Variants in EXOC4 observed in about 807,000 individuals in gnomAD.
The protein encoded by EXOC4 is SEC8-like 1.
A neutral mutation model predicts 107.2 loss-of-function variants in EXOC4; 71 were observed. That is an observed-to-expected ratio of 0.66 (90% confidence interval 0.55 to 0.81). The LOEUF is 0.81. EXOC4 is among the 30% of genes least tolerant of loss of function. EXOC4 has a pLI of 0.00. For synonymous variants in EXOC4, 456 were observed against 441.2 expected (o/e 1.03, Z -0.42); for missense variants, 1,108 against 1,189.6 (o/e 0.93, Z 1.01).
chr7:133,400,657 A>C (rs910177858), intron 7 of EXOC4, among the ~76,000 whole-genome samples: 12 of 152,178 alleles, frequency 7.9e-5, no homozygotes, highest in Non-Finnish European at 1.8e-4. Context: ...CTCTTTGAAG[A>C]AGTACTTTTG....
intron 12 of EXOC4, among the ~76,000 whole-genome samples, chr7:133,915,112 C>A (rs539705093): frequency 6.6e-6 from 1 of 152,150 alleles, no homozygotes; most frequent in South Asian, 2.1e-4. Flanking sequence ...TAAAGTAGAC[C>A]TTGGAGAGAG....
At chr7:133,426,771 G>T (rs1797736695) in intron 7 of EXOC4, among the ~76,000 whole-genome samples, 1 of 152,132 alleles carries the variant, frequency 6.6e-6, no homozygotes, top group East Asian at 1.9e-4. Flanking sequence ...TAATACAGAG[G>T]TTATTATTGA....
chr7:133,419,121 C>T (rs2150755987), intron 7 of EXOC4, among the ~76,000 whole-genome samples: 1 of 152,016 alleles, frequency 6.6e-6, no homozygotes, highest in East Asian at 1.9e-4. Context: ...GGTGTGTAGG[C>T]AGAATTAAAG....
intron 9 of EXOC4, among the ~76,000 whole-genome samples, chr7:133,527,509 T>C (rs2150918288): frequency 1.3e-5 from 2 of 152,286 alleles, no homozygotes; most frequent in Middle Eastern, 6.8e-3. Context: ...TTAGAAACTT[T>C]TATCTGATTT....
rs145247156 is a variant in EXOC4, at chr7:133,294,197, A to G, written c.471+5081A>G. Reference sequence around the variant, plus strand: ...AATTCTGGGAAGAATTATTAATATAAGAATAGCAGCTTCTTCCCAGTGGCA... The same window carrying G: ...AATTCTGGGAAGAATTATTAATATAGGAATAGCAGCTTCTTCCCAGTGGCA... On this transcript the variant is annotated intron_variant, in intron 3 of 17. Coordinates refer to ENST00000253861, the MANE Select transcript of EXOC4 (RefSeq NM_021807.4). 4.6e-3 allele frequency among the ~76,000 whole-genome samples: 694 copies of G among 152,340 alleles called. 7 individuals are homozygous for G. Among genetic ancestry groups the G allele is most frequent in the South Asian group, 0.023 (110 of 4,830 alleles).
chr7:133,807,097 T>A (rs1033846347), intron 10 of EXOC4, among the ~76,000 whole-genome samples: 2 of 152,188 alleles, frequency 1.3e-5, no homozygotes, highest in Admixed American at 6.5e-5. Context: ...ACTTTTCATA[T>A]ACGCAGGTTC....
chr7:133,781,977 T>C (rs1796478252), intron 10 of EXOC4, among the ~76,000 whole-genome samples: 1 of 152,244 alleles, frequency 6.6e-6, no homozygotes, highest in African/African-American at 2.4e-5. Context: ...TTGTGGCTTC[T>C]AATTTTAATA....
At chr7:133,690,859 A>G (rs1794403941) in intron 10 of EXOC4, among the ~76,000 whole-genome samples, 1 of 152,076 alleles carries the variant, frequency 6.6e-6, no homozygotes, top group African/African-American at 2.4e-5. Flanking sequence ...GGGGGAAACT[A>G]ATGGAAGATA....
At chr7:133,495,863 T>A (rs1233435256) in intron 9 of EXOC4, among the ~76,000 whole-genome samples, 1 of 152,204 alleles carries the variant, frequency 6.6e-6, no homozygotes, top group Admixed American at 6.5e-5. Flanking sequence ...GGCATGTGTT[T>A]GGCTTTAGGA....
intron 17 of EXOC4, among the ~76,000 whole-genome samples, chr7:134,062,351 C>T (rs1796083412): frequency 1.3e-5 from 2 of 152,204 alleles, no homozygotes; most frequent in African/African-American, 4.8e-5. Context: ...CCACATTCCC[C>T]TTGTACCAGC....
intron 10 of EXOC4, among the ~76,000 whole-genome samples, chr7:133,686,155 G>A (rs1306927036): frequency 1.3e-5 from 2 of 152,104 alleles, no homozygotes; most frequent in African/African-American, 4.8e-5. Context: ...GTGATGCTCA[G>A]CACCACCTCA....
intron 7 of EXOC4, among the ~76,000 whole-genome samples, chr7:133,391,600 G>A (rs983246549): frequency 2.0e-5 from 3 of 152,148 alleles, no homozygotes; most frequent in African/African-American, 7.2e-5. Flanking sequence ...GGCATGTTTA[G>A]GAATGAGCAT....
intron 11 of EXOC4, among the ~76,000 whole-genome samples, chr7:133,882,746 A>T (rs1241497392): frequency 6.6e-6 from 1 of 152,146 alleles, no homozygotes; most frequent in Non-Finnish European, 1.5e-5. Context: ...AGATTGAAAG[A>T]AGCCCCAGGT....
chr7:133,509,008 G>C (rs975884462), intron 9 of EXOC4, among the ~76,000 whole-genome samples: 5 of 152,112 alleles, frequency 3.3e-5, no homozygotes, highest in Non-Finnish European at 7.3e-5. Context: ...AGAAACTGCT[G>C]GTTGCTTAGT....
At chr7:133,746,706 A>G (rs1021776632) in intron 10 of EXOC4, among the ~76,000 whole-genome samples, 6 of 152,216 alleles carry the variant, frequency 3.9e-5, no homozygotes, top group Non-Finnish European at 8.8e-5. Context: ...ATAGGATTGT[A>G]ACGATACACA....
At chr7:133,439,114 C>G (rs570422780) in intron 7 of EXOC4, among the ~76,000 whole-genome samples, 60 of 151,358 alleles carry the variant, frequency 4.0e-4, no homozygotes, top group South Asian at 2.1e-4. Flanking sequence ...GTATTTGAAC[C>G]TCGGTTTTGG....
intron 10 of EXOC4, among the ~76,000 whole-genome samples, chr7:133,805,199 A>G (rs901409385): frequency 6.6e-6 from 1 of 152,362 alleles, no homozygotes; most frequent in East Asian, 1.9e-4. Context: ...GGCATCTGGG[A>G]AAACTTTGTG....
chr7:133,980,089 C>T (rs532503225), intron 14 of EXOC4, among the ~76,000 whole-genome samples: 80 of 152,264 alleles, frequency 5.3e-4, no homozygotes, highest in African/African-American at 1.9e-3. Flanking sequence ...TTCTCTCCTG[C>T]GTATTTTCAC....
intron 9 of EXOC4, among the ~76,000 whole-genome samples, chr7:133,537,297 C>T (rs80079927): frequency 2.5e-5 from 2 of 81,238 alleles, no homozygotes; most frequent in East Asian, 2.4e-4. Context: ...ATTACAGGCA[C>T]CCCCCCCCCC....
Sources: gnomAD v4.1 joint callset for allele counts (sites outside exome capture counted in the v4.1 genomes callset) on GRCh38, gnomAD v4.1.1 for gene constraint, MANE v1.5 for transcripts, NCBI Gene and HGNC (gene_info 2026-07-23, HGNC 2026-07-21) for gene names.